Variants in KIF1B observed in about 807,000 individuals in gnomAD.
KIF1B encodes kinesin-like protein KIF1B.
KIF1B carries 76 observed loss-of-function variants against 241.9 expected under a neutral mutation model. The ratio of observed to expected loss-of-function variants is 0.31; its 90% confidence interval spans 0.26 to 0.38. The LOEUF is 0.38. Ranked by LOEUF, KIF1B falls within the 10% of genes least tolerant of loss-of-function variation. The pLI, the probability that KIF1B is intolerant of heterozygous loss-of-function variation, is 1.00. For synonymous variants in KIF1B, 750 were observed against 796.7 expected (o/e 0.94, Z 0.99); for missense variants, 1,622 against 2,271.4 (o/e 0.71, Z 5.81).
intron 2 of KIF1B, among the ~76,000 whole-genome samples, chr1:10,232,937 A>C (rs912150513): frequency 1.3e-5 from 2 of 152,216 alleles, no homozygotes; most frequent in African/African-American, 4.8e-5. Context: ...TTCTCTATAG[A>C]ATTGCTTAGG....
In KIF1B at chr1:10,276,397, G is replaced by A; in HGVS notation, c.1035G>A (p.Leu345=). 1.2e-6 allele frequency: 2 copies of A among 1,612,170 alleles called. No homozygotes were observed. Among genetic ancestry groups the A allele is most frequent in the Non-Finnish European group, 1.7e-6 (2 of 1,178,504 alleles). ...ACTACGATGAGACTTTGAGCACTCT[G>A]AGGTACTTTCTTTTGATCTCAGTAA... ...DINYDETLST[L]RYADRAKQIK... is the part of the protein sequence containing the mutation. The change falls in exon 12 of 49, where the codon CTG becomes CTA. Residue 345 remains leucine, a splice_region_variant and synonymous_variant. Transcript: ENST00000676179.
chr1:10,362,180 C>G (rs1638441428), intron 40 of KIF1B, among the ~76,000 whole-genome samples: 1 of 152,086 alleles, frequency 6.6e-6, no homozygotes. Context: ...CAAAATATGT[C>G]AGGAATAATA....
chr1:10,289,078 A>G (rs1362288991), intron 15 of KIF1B, among the ~76,000 whole-genome samples: 1 of 152,236 alleles, frequency 6.6e-6, no homozygotes, highest in Non-Finnish European at 1.5e-5. Flanking sequence ...CATCATTACT[A>G]TATTTCATTA....
At chr1:10,293,063 G>T (rs1296651188) in intron 17 of KIF1B, among the ~76,000 whole-genome samples, 1 of 144,074 alleles carries the variant, frequency 6.9e-6, no homozygotes, top group Non-Finnish European at 1.5e-5. Flanking sequence ...TTCTGGTCAG[G>T]TTTTTCTATC....
At chr1:10,307,794 A>G in intron 22 of KIF1B, 1 of 1,038,546 alleles carries the variant, frequency 9.6e-7, no homozygotes, top group African/African-American at 1.7e-5. Context: ...AATATAGAGG[A>G]GTCCTAATTA....
chr1:10,365,376 T>C lies in KIF1B; in HGVS notation c.4513-33T>C, dbSNP rs1427593314. 1 of 1,614,152 alleles carries C rather than the reference T, an allele frequency of 6.2e-7. No homozygotes were observed. On this transcript the variant is annotated intron_variant, in intron 42 of 48. Coordinates refer to ENST00000676179, the MANE Select transcript of KIF1B (RefSeq NM_001365951.3). This position sits in a 1 kb window ranked among gnomAD's most constrained non-coding sequence, Gnocchi z 4.0. ...TCTCCTGAGGTCTTAACGAGCTTTG[T>C]GTTTGCTATAGCAGTAGTATTGATC...
chr1:10,338,829 G>C (rs540859052), intron 31 of KIF1B, among the ~76,000 whole-genome samples: 1 of 152,336 alleles, frequency 6.6e-6, no homozygotes, highest in African/African-American at 2.4e-5. Flanking sequence ...GGAATGCTGC[G>C]GTGCCAGCAA....
chr1:10,211,031 G>C (rs1646686066), intron 1 of KIF1B, among the ~76,000 whole-genome samples, 153 bp downstream of exon 1: 1 of 151,928 alleles, frequency 6.6e-6, no homozygotes, highest in South Asian at 2.1e-4. Context: ...CTCGCCCTCG[G>C]GGGAGGGGAC....
rs182959334 is a variant in KIF1B at position 10,318,381 on chromosome 1, T to C, written c.2116-1662T>C. 2.7e-3 allele frequency among the ~76,000 whole-genome samples: 414 copies of C among 151,640 alleles called. 3 individuals are homozygous for C. The highest frequency in any genetic ancestry group is 4.3e-3 in the Admixed American group (65 of 15,278). Reference sequence around the variant, plus strand: ...TGGAAACAGTGGATAGTCATACTTATACCCTTTGTCTCATGACAGCCTGTA... The same window carrying C: ...TGGAAACAGTGGATAGTCATACTTACACCCTTTGTCTCATGACAGCCTGTA... On this transcript the variant is annotated intron_variant, in intron 22 of 48. Coordinates refer to ENST00000676179, the MANE Select transcript of KIF1B (RefSeq NM_001365951.3).
chr1:10,212,940 A>G (rs982514423), intron 1 of KIF1B, among the ~76,000 whole-genome samples: 14 of 146,568 alleles, frequency 9.6e-5, no homozygotes, highest in Non-Finnish European at 1.3e-4. Flanking sequence ...ATACACACAC[A>G]CATTTAAAAA....
At chr1:10,327,212 A>C (rs1036489758) in intron 27 of KIF1B, among the ~76,000 whole-genome samples, 1 of 151,932 alleles carries the variant, frequency 6.6e-6, no homozygotes, top group African/African-American at 2.4e-5. Flanking sequence ...TAAAAATACA[A>C]AAATTAGGCT....
intron 15 of KIF1B, among the ~76,000 whole-genome samples, chr1:10,284,352 C>T (rs1289541922): frequency 6.6e-6 from 1 of 152,132 alleles, no homozygotes; most frequent in Non-Finnish European, 1.5e-5. Context: ...GAGTTCAAGA[C>T]CCGCTTGGCC....
rs1037081497 is a variant in KIF1B at position 10,263,278 on chromosome 1, AAATAAT to A, written c.429+1317_429+1322del. ...CAGCCTGGAGTCTGTCTCAAAAAAA[AAATAAT>A]AATAATAAATAAATAAAAAGAAGAA... is the stretch of plus-strand genomic sequence containing the variant. On this transcript the variant is annotated intron_variant, in intron 5 of 48. Coordinates refer to ENST00000676179, the MANE Select transcript of KIF1B (RefSeq NM_001365951.3). Among the ~76,000 whole-genome samples, 12 of 150,146 alleles carry A rather than the reference AAATAAT, an allele frequency of 8.0e-5. No homozygotes were observed. The East Asian group carries it at 1.4e-3, about 17-fold the overall frequency.
At chr1:10,234,212 C>CT (rs112386152) in intron 2 of KIF1B, among the ~76,000 whole-genome samples, 131 of 142,818 alleles carry the variant, frequency 9.2e-4, no homozygotes, top group African/African-American at 1.3e-3. Flanking sequence ...CCTTAAGGAA[C>CT]TTTTTTTTTT....
chr1:10,369,569 G>T (rs979344450), intron 44 of KIF1B, among the ~76,000 whole-genome samples: 1 of 152,228 alleles, frequency 6.6e-6, no homozygotes, highest in African/African-American at 2.4e-5. Context: ...GGAGTTTGAG[G>T]CTGCAGTGAG....
Position 10,337,637 on chromosome 1 carries a change from G to A in KIF1B, c.3422+104G>A. ...ATGTGTGAGGGATTAACACTCTTGA[G>A]ACAAAGACTGATCAGTCTCTGAAGG... On this transcript the variant is annotated intron_variant, in intron 31 of 48. Transcript: ENST00000676179. The surrounding 1 kb of genome is among the most constrained non-coding windows in gnomAD (Gnocchi z 4.0). 17 of 1,239,256 alleles carry A rather than the reference G, an allele frequency of 1.4e-5. No homozygotes were observed. In the South Asian group the frequency reaches 1.9e-4, roughly 14 times the overall value. 76.8% of individuals were successfully genotyped at this position (1,239,256 alleles called of 1,614,324 possible). A position where few individuals can be genotyped will look rare whatever the true frequency, so the allele number is the denominator to read the frequency against.
At chr1:10,336,290 AGGTGCCCGCC>A (rs1339545764) in intron 28 of KIF1B, among the ~76,000 whole-genome samples, 1 of 152,174 alleles carries the variant, frequency 6.6e-6, no homozygotes, top group Non-Finnish European at 1.5e-5. Context: ...CTGGGATTAC[AGGTGCCCGCC>A]ACCACGCCCG....
intron 17 of KIF1B, among the ~76,000 whole-genome samples, chr1:10,292,924 T>C (rs1251995859): frequency 2.0e-5 from 3 of 152,352 alleles, no homozygotes; most frequent in East Asian, 3.9e-4. Context: ...CATTGGCTAT[T>C]GGAGACTTAA....
chr1:10,215,597 G>A (rs1410511999), intron 1 of KIF1B, among the ~76,000 whole-genome samples: 1 of 152,030 alleles, frequency 6.6e-6, no homozygotes, highest in Non-Finnish European at 1.5e-5. Context: ...CCAGGCTGGA[G>A]TGCAGTGGCG....
Sources: allele counts gnomAD v4.1 joint callset (sites outside exome capture counted in the v4.1 genomes callset), GRCh38; gene constraint gnomAD v4.1.1; non-coding constraint Gnocchi (gnomAD v3.1); transcripts MANE v1.5; gene names NCBI Gene and HGNC (gene_info 2026-07-23, HGNC 2026-07-21).